Variants in STX8 observed in about 807,000 individuals in gnomAD.
STX8 encodes syntaxin 8.
In STX8, 23 loss-of-function variants were observed where a neutral mutation model predicts 37.5. That is an observed-to-expected ratio of 0.61 (90% CI 0.44 to 0.87). STX8 has a LOEUF of 0.87. STX8 is among the 40% of genes least tolerant of loss of function. STX8 has a pLI of 0.00. For synonymous variants in STX8, 115 were observed against 99.1 expected (o/e 1.16, Z -0.95); for missense variants, 313 against 284.7 (o/e 1.10, Z -0.71).
intron 7 of STX8, among the ~76,000 whole-genome samples, chr17:9,343,695 G>A (rs1355147180): frequency 1.3e-5 from 2 of 152,114 alleles, no homozygotes; most frequent in African/African-American, 4.8e-5. Flanking sequence ...GAACAGATAA[G>A]CCAGCAGACT....
intron 7 of STX8, among the ~76,000 whole-genome samples, chr17:9,355,523 G>C (rs1279054763): frequency 7.4e-6 from 1 of 135,982 alleles, no homozygotes; most frequent in Admixed American, 7.6e-5. Context: ...TTTTTTTTGA[G>C]ACGGAGTCTC....
chr17:9,525,743 T>C (rs1905541907), intron 4 of STX8, among the ~76,000 whole-genome samples: 2 of 152,324 alleles, frequency 1.3e-5, no homozygotes, highest in South Asian at 4.1e-4. Flanking sequence ...CAGAGTTGTT[T>C]TGTGCAAGAT....
intron 7 of STX8, among the ~76,000 whole-genome samples, chr17:9,307,410 C>A (rs190720157): frequency 6.8e-4 from 103 of 152,274 alleles, no homozygotes; most frequent in Admixed American, 1.3e-3. Flanking sequence ...GTCTTCCTCT[C>A]GGGTCAGCCA....
chr17:9,381,972 G>T (rs1452422082), intron 6 of STX8, among the ~76,000 whole-genome samples: 1 of 146,708 alleles, frequency 6.8e-6, no homozygotes, highest in Non-Finnish European at 1.5e-5. Context: ...CTGTCTTGGG[G>T]GAAAAAACAA....
intron 6 of STX8, among the ~76,000 whole-genome samples, chr17:9,402,151 C>T (rs940321230): frequency 1.3e-4 from 19 of 151,704 alleles, no homozygotes; most frequent in Non-Finnish European, 2.4e-4. Flanking sequence ...CAGCGTTTTG[C>T]TCTTGTTCCC....
intron 2 of STX8, among the ~76,000 whole-genome samples, chr17:9,566,922 C>T (rs1415349277): frequency 3.9e-5 from 6 of 152,184 alleles, no homozygotes; most frequent in Admixed American, 6.6e-5. Flanking sequence ...TACATATACA[C>T]TATGGAATAT....
chr17:9,374,510 C>T (rs1326734397), intron 7 of STX8, among the ~76,000 whole-genome samples: 1 of 152,060 alleles, frequency 6.6e-6, no homozygotes, highest in Non-Finnish European at 1.5e-5. Context: ...AAGGAAATTC[C>T]TGAGAGGCTT....
intron 7 of STX8, among the ~76,000 whole-genome samples, chr17:9,340,649 ATTTTTTTTTTT>A (rs66679333): frequency 3.2e-5 from 2 of 62,100 alleles, no homozygotes; most frequent in East Asian, 6.1e-4. Context: ...GTTGCACTTG[ATTTTTTTTTTT>A]TTTTTTTTTT....
chr17:9,303,110 G>A lies in STX8; in HGVS notation c.644-52465C>T, dbSNP rs557784055. Among the ~76,000 whole-genome samples, 123 of 152,088 alleles carry A rather than the reference G, an allele frequency of 8.1e-4. 2 individuals are homozygous for A. The South Asian group carries it at 0.025, about 30-fold the overall frequency. On this transcript the variant is annotated intron_variant, in intron 7 of 7. Transcript: ENST00000306357. ...AGATCGAGACCATCCTGGCCAACATGGTGAACCCCGTCTCTACTAAAAATA... is the reference window on the plus strand; with the variant it reads ...AGATCGAGACCATCCTGGCCAACATAGTGAACCCCGTCTCTACTAAAAATA...
At chr17:9,497,666 C>T (rs1005575425) in intron 5 of STX8, among the ~76,000 whole-genome samples, 15 of 152,178 alleles carry the variant, frequency 9.9e-5, no homozygotes, top group Non-Finnish European at 1.3e-4. Flanking sequence ...AACAGAGGGA[C>T]ATCCCTAAGA....
intron 7 of STX8, among the ~76,000 whole-genome samples, chr17:9,336,152 T>C (rs1327524240): frequency 6.6e-6 from 1 of 152,170 alleles, no homozygotes; most frequent in Non-Finnish European, 1.5e-5. Context: ...CCCCTTCTAA[T>C]GTGACTTATG....
rs574716513 is a variant in STX8, at chr17:9,414,876, T to C, written c.542-36223A>G. ...CACCATCTTGGCTCACTGCAACCTC[T>C]ACCTCCTGGGTTCAAGCGATTCTCC... is the stretch of plus-strand genomic sequence containing the variant. On this transcript the variant is annotated intron_variant, in intron 6 of 7. Transcript: ENST00000306357. Among the ~76,000 whole-genome samples the C allele has an allele frequency of 3.6e-5, 5 of 138,116 alleles. No individual in the cohort carries two copies. The East Asian group carries it at 1.3e-3, about 35-fold the overall frequency. The allele number at this position is 138,116 out of a possible 152,430, so 90.6% of individuals were successfully genotyped here. A position where few individuals can be genotyped will look rare whatever the true frequency, so the allele number is the denominator to read the frequency against.
At chr17:9,260,084 A>C (rs760017071) in intron 7 of STX8, among the ~76,000 whole-genome samples, 3 of 152,008 alleles carry the variant, frequency 2.0e-5, no homozygotes, top group Non-Finnish European at 2.9e-5. Flanking sequence ...AAAGAATAAT[A>C]TTAATAGTAG....
chr17:9,278,047 T>C (rs568919887), intron 7 of STX8, among the ~76,000 whole-genome samples: 1 of 152,088 alleles, frequency 6.6e-6, no homozygotes, highest in African/African-American at 2.4e-5. Flanking sequence ...GGGTATGGTG[T>C]CCAGGTCCAA....
intron 6 of STX8, among the ~76,000 whole-genome samples, chr17:9,404,733 G>A (rs540625292): frequency 1.1e-4 from 16 of 152,292 alleles, no homozygotes; most frequent in East Asian, 5.8e-4. Context: ...GATTACAGGC[G>A]TGAGCCACTG....
At chr17:9,424,461 C>T (rs1913553258) in intron 6 of STX8, among the ~76,000 whole-genome samples, 1 of 152,084 alleles carries the variant, frequency 6.6e-6, no homozygotes, top group Admixed American at 6.5e-5. Context: ...CACCCTGCCT[C>T]CAGGCCCTCT....
At chr17:9,530,354 C>T (rs1031317320) in intron 4 of STX8, among the ~76,000 whole-genome samples, 3 of 151,186 alleles carry the variant, frequency 2.0e-5, no homozygotes, top group Admixed American at 6.6e-5. Flanking sequence ...CATTCTTGTA[C>T]GTGCCTTTTG....
chr17:9,409,787 T>TG lies in STX8; in HGVS notation c.542-31135dup, dbSNP rs903073540. ...ATAATAGATCCCTAATTGGAAGCAC[T>TG]GGGGGGAAAAAAAGCCAGGTCAGTG... On this transcript the variant is annotated intron_variant, in intron 6 of 7. Coordinates refer to ENST00000306357, the MANE Select transcript of STX8 (RefSeq NM_004853.3). Among the ~76,000 whole-genome samples, 4 of 150,420 alleles carry TG rather than the reference T, an allele frequency of 2.7e-5. No homozygotes were observed. The East Asian group carries it at 5.9e-4, about 22-fold the overall frequency.
chr17:9,513,158 A>G, intron 4 of STX8, among the ~76,000 whole-genome samples: 1 of 152,134 alleles, frequency 6.6e-6, no homozygotes, highest in East Asian at 1.9e-4. Context: ...ATATGTAAGG[A>G]ACTCAAAATA....
Sources: gnomAD v4.1 joint callset for allele counts (sites outside exome capture counted in the v4.1 genomes callset) on GRCh38, gnomAD v4.1.1 for gene constraint, MANE v1.5 for transcripts, NCBI Gene and HGNC (gene_info 2026-07-23, HGNC 2026-07-21) for gene names.